SOX5: variants seen among roughly 807,000 people sequenced by gnomAD.
SOX5 encodes the protein SRY-box transcription factor 5.
SOX5 carries 9 observed loss-of-function variants against 92.0 expected under a neutral mutation model. The ratio of observed to expected loss-of-function variants is 0.10; its 90% confidence interval spans 0.06 to 0.17. The LOEUF (loss-of-function observed/expected upper bound fraction) is 0.17. Among genes scored for constraint, SOX5 ranks in the 10% least tolerant of loss-of-function variants. The pLI is 1.00. For missense variants in SOX5, 642 were observed against 944.5 expected (o/e 0.68, Z 4.20); for synonymous variants, 344 against 336.3 (o/e 1.02, Z -0.25).
At chr12:24,367,199 G>A (rs1408612315) in intron 2 of SOX5, among the ~76,000 whole-genome samples, 1 of 152,094 alleles carries the variant, frequency 6.6e-6, no homozygotes, top group Non-Finnish European at 1.5e-5. Context: ...CACTTCCTAT[G>A]AGCTGGCTCT....
intron 3 of SOX5, among the ~76,000 whole-genome samples, chr12:24,231,555 C>T (rs551447876): frequency 3.2e-4 from 49 of 152,326 alleles, no homozygotes; most frequent in African/African-American, 6.3e-4. Flanking sequence ...AACTCCACAA[C>T]AAAGTGAAAG....
chr12:23,801,459 T>C (rs1398013453), intron 3 of SOX5, among the ~76,000 whole-genome samples: 1 of 152,160 alleles, frequency 6.6e-6, no homozygotes, highest in African/African-American at 2.4e-5. Context: ...TCCAGTAGAT[T>C]ATCTATCATG....
At chr12:24,249,322 T>C (rs1879776) in intron 3 of SOX5, among the ~76,000 whole-genome samples, 72,291 of 152,018 alleles carry the variant, frequency 0.48, 20,474 homozygotes, top group East Asian at 0.87. Flanking sequence ...GCTAAGACTT[T>C]TCCCATTCAA....
intron 4 of SOX5, among the ~76,000 whole-genome samples, chr12:24,151,511 G>A (rs1951648182): frequency 6.6e-6 from 1 of 152,042 alleles, no homozygotes; most frequent in African/African-American, 2.4e-5. Context: ...TGATACATTT[G>A]TTGAAACTTT....
At position 24,148,714 on chromosome 12, in the gene SOX5, AAAG is replaced by A. The variant is rs1201345719; in HGVS notation, c.-2+64626_-2+64628del. 1.8e-3 allele frequency among the ~76,000 whole-genome samples: 102 copies of A among 57,516 alleles called. 1 individual carries two copies. The highest frequency in any genetic ancestry group is 3.8e-3 in the East Asian group (14 of 3,674). The allele number at this position is 57,516 out of a possible 152,430, so 37.7% of individuals were successfully genotyped here. On this transcript the variant is annotated intron_variant, in intron 4 of 4. Transcript: ENST00000446891. ...AAAAAAAAAAAAAAAAAAAAAAAAA[AAAG>A]AAGAAAGAAAGAAAAGAAAAGAATT...
chr12:24,060,756 A>C (rs73072167), intron 4 of SOX5, among the ~76,000 whole-genome samples: 2,535 of 152,322 alleles, frequency 0.017, 48 homozygotes, highest in Non-Finnish European at 0.025. Flanking sequence ...GCTATAAAGA[A>C]AGAAACTCTA....
chr12:23,828,875 TAA>T (rs1365336568), intron 3 of SOX5, among the ~76,000 whole-genome samples: 3 of 152,188 alleles, frequency 2.0e-5, no homozygotes, highest in African/African-American at 7.2e-5. Flanking sequence ...TATCAACATG[TAA>T]GATGGGCTAT....
intron 3 of SOX5, among the ~76,000 whole-genome samples, chr12:23,758,654 A>AC: frequency 6.6e-6 from 1 of 152,146 alleles, no homozygotes; most frequent in South Asian, 2.1e-4. Context: ...TCTTTGCAGC[A>AC]CATACATTGC....
intron 1 of SOX5, among the ~76,000 whole-genome samples, chr12:24,405,495 C>T (rs930420356): frequency 5.9e-5 from 9 of 152,080 alleles, no homozygotes; most frequent in South Asian, 2.1e-4. Context: ...GAATGATTCC[C>T]GCCCATAGAA....
intron 12 of SOX5, among the ~76,000 whole-genome samples, chr12:23,545,518 A>C (rs1942957261): frequency 6.6e-6 from 1 of 152,170 alleles, no homozygotes; most frequent in Non-Finnish European, 1.5e-5. Flanking sequence ...GCCTATGAGA[A>C]GGGAGCATAA....
intron 3 of SOX5, chr12:24,227,330 T>C (rs954152691): frequency 6.6e-6 from 1 of 152,186 alleles, no homozygotes; most frequent in Non-Finnish European, 1.5e-5. Context: ...AGAACGTCTG[T>C]GTTCATGTTT....
At chr12:24,128,580 A>G (rs754512286) in intron 4 of SOX5, among the ~76,000 whole-genome samples, 20 of 152,034 alleles carry the variant, frequency 1.3e-4, no homozygotes, top group Non-Finnish European at 2.4e-4. Flanking sequence ...CAGATGTGAG[A>G]AGGGGGCGGT....
intron 7 of SOX5, among the ~76,000 whole-genome samples, chr12:23,662,654 T>A (rs1421160608): frequency 6.6e-6 from 1 of 152,220 alleles, no homozygotes; most frequent in Non-Finnish European, 1.5e-5. Context: ...ACAGGAGATG[T>A]TAACTCAATT....
At chr12:24,513,101 G>C (rs1597466705) in intron 1 of SOX5, among the ~76,000 whole-genome samples, 1 of 152,172 alleles carries the variant, frequency 6.6e-6, no homozygotes, top group East Asian at 1.9e-4. Context: ...CTCCCAGTCA[G>C]CCATGCAACC....
chr12:23,579,758 A>G (rs956606795), intron 9 of SOX5, among the ~76,000 whole-genome samples: 3 of 152,130 alleles, frequency 2.0e-5, no homozygotes, highest in African/African-American at 7.2e-5. Context: ...TGTTACAAAT[A>G]AAACACACAT....
At chr12:24,375,300 C>G (rs909461185) in intron 1 of SOX5, among the ~76,000 whole-genome samples, 1 of 151,990 alleles carries the variant, frequency 6.6e-6, no homozygotes, top group Non-Finnish European at 1.5e-5. Context: ...CATTTTGCAT[C>G]CTAGGCCCCT....
At chr12:24,406,221 G>A (rs1452841768) in intron 1 of SOX5, among the ~76,000 whole-genome samples, 9 of 152,188 alleles carry the variant, frequency 5.9e-5, no homozygotes, top group Non-Finnish European at 1.2e-4. Flanking sequence ...GTATTCACAA[G>A]ACACCAAATC....
At chr12:24,274,246 T>G (rs554385644) in intron 3 of SOX5, among the ~76,000 whole-genome samples, 67 of 152,306 alleles carry the variant, frequency 4.4e-4, no homozygotes, top group African/African-American at 1.6e-3. Context: ...AGTTGTTTAT[T>G]TCTCTTATTG....
chr12:24,033,206 A>G (rs1013688558), intron 4 of SOX5, among the ~76,000 whole-genome samples: 4 of 151,958 alleles, frequency 2.6e-5, no homozygotes, highest in African/African-American at 9.7e-5. Flanking sequence ...TGACTTTACA[A>G]TTCTGCAGAA....
Sources: allele counts gnomAD v4.1 joint callset (sites outside exome capture counted in the v4.1 genomes callset), GRCh38; gene constraint gnomAD v4.1.1; transcripts MANE v1.5; gene names NCBI Gene and HGNC (gene_info 2026-07-23, HGNC 2026-07-21).